SPTLC3: variants seen among roughly 807,000 people sequenced by gnomAD.
SPTLC3 encodes the protein serine palmitoyltransferase long chain base subunit 3, also known as serine palmitoyltransferase 3.
A neutral mutation model predicts 59.3 loss-of-function variants in SPTLC3; 36 were observed. The ratio of observed to expected loss-of-function variants is 0.61; its 90% confidence interval spans 0.47 to 0.80. The LOEUF (loss-of-function observed/expected upper bound fraction) is 0.80. Ranked by LOEUF, SPTLC3 falls within the 30% of genes least tolerant of loss-of-function variation. The pLI is 0.00. For synonymous variants in SPTLC3, 257 were observed against 240.8 expected, an observed-to-expected ratio of 1.07 and a Z score of -0.62; for missense variants, 625 against 685.1, an observed-to-expected ratio of 0.91 and a Z score of 0.98.
chr20:13,132,268 T>G (rs2038138128), intron 9 of SPTLC3, among the ~76,000 whole-genome samples: 1 of 145,102 alleles, frequency 6.9e-6, no homozygotes, highest in Non-Finnish European at 1.5e-5. Context: ...CCTCCACCTC[T>G]CGGGCTCAAG....
At chr20:13,033,062 A>T (rs1321779798) in intron 1 of SPTLC3, among the ~76,000 whole-genome samples, 1 of 152,150 alleles carries the variant, frequency 6.6e-6, no homozygotes, top group Non-Finnish European at 1.5e-5. Flanking sequence ...CTACAGAGTT[A>T]ATTTTATACT....
At chr20:13,053,014 A>T (rs558751641) in intron 2 of SPTLC3, among the ~76,000 whole-genome samples, 1 of 152,274 alleles carries the variant, frequency 6.6e-6, no homozygotes, top group African/African-American at 2.4e-5. Context: ...AGAGAGCAGC[A>T]TATCTCCCAG....
At chr20:13,073,764 CA>C in intron 3 of SPTLC3, 1 of 580,878 alleles carries the variant, frequency 1.7e-6, no homozygotes. Context: ...AGACACGGTC[CA>C]AAGAGGGCAG....
At chr20:13,079,896 C>A (rs1471077026) in intron 4 of SPTLC3, 1 of 374,018 alleles carries the variant, frequency 2.7e-6, no homozygotes, top group Non-Finnish European at 5.6e-6. Context: ...AACCCAACCA[C>A]CTGCCACAGC....
At chr20:13,095,567 G>C (rs972048357) in intron 6 of SPTLC3, among the ~76,000 whole-genome samples, 2 of 152,152 alleles carry the variant, frequency 1.3e-5, no homozygotes, top group Admixed American at 1.3e-4. Context: ...CATTGACCAA[G>C]CATTCCCTAT....
At chr20:13,059,446 T>G (rs963231269) in intron 2 of SPTLC3, among the ~76,000 whole-genome samples, 2 of 152,182 alleles carry the variant, frequency 1.3e-5, no homozygotes, top group Admixed American at 1.3e-4. Flanking sequence ...GTTCTCAATT[T>G]GCAATTCGGC....
chr20:13,125,660 G>A (rs73085882), intron 8 of SPTLC3, among the ~76,000 whole-genome samples: 2,228 of 152,324 alleles, frequency 0.015, 25 homozygotes, highest in Non-Finnish European at 0.024. Flanking sequence ...GGTAGCTTCA[G>A]CTGGAATGGT....
intron 1 of SPTLC3, among the ~76,000 whole-genome samples, chr20:13,021,895 A>C (rs1299807986): frequency 6.6e-6 from 1 of 152,182 alleles, no homozygotes; most frequent in African/African-American, 2.4e-5. Context: ...TGGATGATAG[A>C]TAGATATAGA....
At chr20:13,036,654 C>A (rs1986748078) in intron 1 of SPTLC3, among the ~76,000 whole-genome samples, 1 of 152,058 alleles carries the variant, frequency 6.6e-6, no homozygotes, top group Non-Finnish European at 1.5e-5. Flanking sequence ...AGAAGGCCAG[C>A]ACCCTTAACC....
intron 11 of SPTLC3, among the ~76,000 whole-genome samples, chr20:13,164,115 T>C (rs2038949903): frequency 6.6e-6 from 1 of 152,156 alleles, no homozygotes; most frequent in African/African-American, 2.4e-5. Flanking sequence ...CCATGTGTTC[T>C]CAGAAAATGA....
At chr20:13,069,020 C>T (rs1489731268) in intron 2 of SPTLC3, among the ~76,000 whole-genome samples, 1 of 152,116 alleles carries the variant, frequency 6.6e-6, no homozygotes, top group Non-Finnish European at 1.5e-5. Flanking sequence ...ATTTTCCGAC[C>T]TTCTCTTAGG....
chr20:13,084,988 T>G (rs1364421721), intron 4 of SPTLC3, among the ~76,000 whole-genome samples: 2 of 152,214 alleles, frequency 1.3e-5, no homozygotes, highest in Admixed American at 6.5e-5. Flanking sequence ...TGTGCCCCAC[T>G]TAAGGTTTTT....
intron 2 of SPTLC3, among the ~76,000 whole-genome samples, chr20:13,062,061 C>T (rs562314558): frequency 6.6e-6 from 1 of 152,298 alleles, no homozygotes; most frequent in Admixed American, 6.5e-5. Context: ...ACTACCCACA[C>T]GTGCCTGCCT....
At chr20:13,100,728 T>A (rs530891397) in intron 6 of SPTLC3, among the ~76,000 whole-genome samples, 2 of 152,376 alleles carry the variant, frequency 1.3e-5, no homozygotes, top group East Asian at 3.8e-4. Flanking sequence ...ACTGGTTCAT[T>A]TAATTTTAAC....
At chr20:13,088,302 G>GTTTT (rs1216621236) in intron 4 of SPTLC3, among the ~76,000 whole-genome samples, 1 of 151,896 alleles carries the variant, frequency 6.6e-6, no homozygotes, top group Admixed American at 6.6e-5. Flanking sequence ...TAGAACACTT[G>GTTTT]TTTTTTGTTG....
At chr20:13,077,771 C>T (rs905418457) in intron 4 of SPTLC3, among the ~76,000 whole-genome samples, 1 of 151,256 alleles carries the variant, frequency 6.6e-6, no homozygotes, top group South Asian at 2.1e-4. Flanking sequence ...TCTATTGAGC[C>T]AAGCTATCTG....
intron 4 of SPTLC3, among the ~76,000 whole-genome samples, chr20:13,076,153 G>A (rs918099688): frequency 1.2e-4 from 18 of 152,092 alleles, no homozygotes; most frequent in Non-Finnish European, 4.4e-5. Context: ...AGAAGCCACC[G>A]TCACTAATTT....
chr20:13,137,291 C>T (rs1356446682), intron 9 of SPTLC3, among the ~76,000 whole-genome samples: 1 of 152,106 alleles, frequency 6.6e-6, no homozygotes, highest in African/African-American at 2.4e-5. Context: ...AAGTTGTTGC[C>T]TTGGCTGTAG....
intron 8 of SPTLC3, among the ~76,000 whole-genome samples, chr20:13,118,576 T>C (rs576279894): frequency 6.6e-6 from 1 of 151,498 alleles, no homozygotes; most frequent in Non-Finnish European, 1.5e-5. Context: ...ATCTGAACAA[T>C]GAGAGGATAG....
Sources: allele counts gnomAD v4.1 joint callset (sites outside exome capture counted in the v4.1 genomes callset), GRCh38; gene constraint gnomAD v4.1.1; transcripts MANE v1.5; gene names NCBI Gene and HGNC (gene_info 2026-07-23, HGNC 2026-07-21).